The following RPS6KC1 variants were observed in gnomAD, a reference collection of about 807,000 sequenced individuals.
RPS6KC1 encodes inactive ribosomal protein S6 kinase delta-1.
RPS6KC1 carries 54 observed loss-of-function variants against 103.8 expected under a neutral mutation model. The observed-to-expected ratio is 0.52, with a 90% CI of 0.42 to 0.65. The LOEUF (loss-of-function observed/expected upper bound fraction) is 0.65, where lower values mean the gene tolerates loss of function less well. RPS6KC1 is among the 30% of genes least tolerant of loss of function. The pLI is 0.00. For synonymous variants in RPS6KC1, 439 were observed against 438.7 expected (o/e 1.00, Z -0.01); for missense variants, 1,151 against 1,253.8 (o/e 0.92, Z 1.24).
chr1:213,736,900 C>G, the RPS6KC1 span, among the ~76,000 whole-genome samples: 1 of 152,150 alleles, frequency 6.6e-6, no homozygotes, highest in Non-Finnish European at 1.5e-5. Flanking sequence ...AAAGAGAAAC[C>G]TAAAAGGTTT....
chr1:213,797,995 A>T, the RPS6KC1 span, among the ~76,000 whole-genome samples: 2 of 152,184 alleles, frequency 1.3e-5, no homozygotes, highest in Admixed American at 6.5e-5. Flanking sequence ...GAATAAATAA[A>T]ATACAAATAA....
the RPS6KC1 span, among the ~76,000 whole-genome samples, chr1:213,775,874 G>C: frequency 0.047 from 7,152 of 152,076 alleles, 537 homozygotes; most frequent in African/African-American, 0.16. Flanking sequence ...CTAACTTTAT[G>C]GAATATTCTA....
At chr1:213,674,181 G>T in the RPS6KC1 span, among the ~76,000 whole-genome samples, 463 of 152,232 alleles carry the variant, frequency 3.0e-3, 2 homozygotes, top group African/African-American at 0.011. Flanking sequence ...ACCACGCCTG[G>T]CTACTTTTTG....
At chr1:213,757,744 C>T in the RPS6KC1 span, among the ~76,000 whole-genome samples, 1 of 152,196 alleles carries the variant, frequency 6.6e-6, no homozygotes, top group Non-Finnish European at 1.5e-5. Context: ...CCAGGACTTT[C>T]ATAGCTGGAG....
the RPS6KC1 span, among the ~76,000 whole-genome samples, chr1:213,350,769 A>G: frequency 1.3e-5 from 2 of 152,204 alleles, no homozygotes; most frequent in African/African-American, 4.8e-5. Context: ...ATAATTTAAC[A>G]TTTTACTGTA....
chr1:213,245,792 G>A (rs768550707), intron 12 of RPS6KC1, among the ~76,000 whole-genome samples: 3 of 152,082 alleles, frequency 2.0e-5, no homozygotes, highest in Admixed American at 6.6e-5. Context: ...GAATCAACAT[G>A]TTTTGGTCTA....
At chr1:213,128,314 T>G (rs1389101900) in intron 5 of RPS6KC1, among the ~76,000 whole-genome samples, 1 of 152,236 alleles carries the variant, frequency 6.6e-6, no homozygotes, top group Non-Finnish European at 1.5e-5. Flanking sequence ...AATATAGTTA[T>G]TTTTCATAAA....
chr1:213,320,139 C>T, the RPS6KC1 span, among the ~76,000 whole-genome samples: 29 of 152,096 alleles, frequency 1.9e-4, no homozygotes, highest in Non-Finnish European at 3.4e-4. Context: ...TGAAAAGTAC[C>T]AGAGCTAACC....
chr1:213,479,415 GT>G, the RPS6KC1 span, among the ~76,000 whole-genome samples: 2 of 152,004 alleles, frequency 1.3e-5, no homozygotes, highest in African/African-American at 2.4e-5. Flanking sequence ...ATTTTGGTTA[GT>G]CTAAGGGTGG....
chr1:213,200,604 G>A (rs933109896), intron 8 of RPS6KC1, among the ~76,000 whole-genome samples: 2 of 152,084 alleles, frequency 1.3e-5, no homozygotes, highest in African/African-American at 4.8e-5. Flanking sequence ...GATGCCAAAA[G>A]CAATGGCAAA....
At chr1:213,782,560 T>TA in the RPS6KC1 span, among the ~76,000 whole-genome samples, 2 of 151,468 alleles carry the variant, frequency 1.3e-5, no homozygotes, top group South Asian at 2.1e-4. Flanking sequence ...AGTTAAAAAG[T>TA]AAAAAAAGGC....
At chr1:213,431,871 AATG>A in the RPS6KC1 span, among the ~76,000 whole-genome samples, 5 of 152,188 alleles carry the variant, frequency 3.3e-5, no homozygotes, top group Non-Finnish European at 5.9e-5. Context: ...GATCTATTAT[AATG>A]AAGATTTCCA....
At chr1:213,830,221 G>A in the RPS6KC1 span, among the ~76,000 whole-genome samples, 13 of 152,232 alleles carry the variant, frequency 8.5e-5, no homozygotes, top group African/African-American at 3.1e-4. Flanking sequence ...TAGCAGAAAC[G>A]AAGAACTTGG....
chr1:213,475,640 G>T, the RPS6KC1 span, among the ~76,000 whole-genome samples: 2 of 152,086 alleles, frequency 1.3e-5, no homozygotes, highest in Non-Finnish European at 2.9e-5. Flanking sequence ...CTCTTCGGGG[G>T]CCCCCAATGT....
intron 8 of RPS6KC1, among the ~76,000 whole-genome samples, chr1:213,219,768 A>G (rs936725123): frequency 1.3e-5 from 2 of 151,478 alleles, no homozygotes; most frequent in East Asian, 3.9e-4. Context: ...GACAAAAACC[A>G]AACACTACAT....
At chr1:213,362,815 G>C in the RPS6KC1 span, among the ~76,000 whole-genome samples, 1 of 152,144 alleles carries the variant, frequency 6.6e-6, no homozygotes, top group Non-Finnish European at 1.5e-5. Flanking sequence ...TGTCTAATCA[G>C]TTGAAGCCCT....
At chr1:213,544,457 A>G in the RPS6KC1 span, among the ~76,000 whole-genome samples, 1 of 152,170 alleles carries the variant, frequency 6.6e-6, no homozygotes, top group Non-Finnish European at 1.5e-5. Flanking sequence ...AAAACCCTAG[A>G]ATGTGTCTCT....
chr1:213,765,617 C>A, the RPS6KC1 span, among the ~76,000 whole-genome samples: 1 of 152,076 alleles, frequency 6.6e-6, no homozygotes, highest in Non-Finnish European at 1.5e-5. Flanking sequence ...CGCAAAACTT[C>A]CCCCAACTCA....
chr1:213,263,359 T>G lies in RPS6KC1; in HGVS notation c.3090+543T>G, dbSNP rs374682386. ...GACCATTGATAATTAAAGTTCAGTA[T>G]CCCAGAGACAGGCTTGGAACTCCAG... On this transcript the variant is annotated intron_variant, in intron 14 of 14. Transcript: ENST00000366960. Among the ~76,000 whole-genome samples the G allele has an allele frequency of 1.1e-4, 16 of 152,282 alleles. No individual in the cohort carries two copies. In the East Asian group the frequency reaches 2.5e-3, roughly 24 times the overall value.
Sources: gnomAD v4.1 joint callset for allele counts (sites outside exome capture counted in the v4.1 genomes callset) on GRCh38, gnomAD v4.1.1 for gene constraint, MANE v1.5 for transcripts, NCBI Gene and HGNC (gene_info 2026-07-23, HGNC 2026-07-21) for gene names.